Variants in OSBPL10 observed in about 807,000 individuals in gnomAD.
OSBPL10 encodes oxysterol-binding protein-related protein 10.
Under a neutral mutation model 81.7 loss-of-function variants are expected in OSBPL10, and 49 were observed. The ratio of observed to expected loss-of-function variants is 0.60; its 90% confidence interval spans 0.48 to 0.76. OSBPL10 has a LOEUF of 0.76. Ranked by LOEUF, OSBPL10 falls within the 30% of genes least tolerant of loss-of-function variation. OSBPL10 has a pLI of 0.00. For synonymous variants in OSBPL10, 419 were observed against 383.6 expected (o/e 1.09, Z -1.08); for missense variants, 923 against 987.8 (o/e 0.93, Z 0.88).
intron 2 of OSBPL10, among the ~76,000 whole-genome samples, chr3:32,026,011 C>CATAGATAG (rs10662309): frequency 0.057 from 7,323 of 127,956 alleles, 306 homozygotes; most frequent in East Asian, 0.075. Flanking sequence ...TATATACAGA[C>CATAGATAG]ATAGATAGAT....
intron 4 of OSBPL10, among the ~76,000 whole-genome samples, chr3:31,826,111 C>T (rs1700095797): frequency 6.6e-6 from 1 of 152,162 alleles, no homozygotes; most frequent in Admixed American, 6.5e-5. Context: ...GCCCCAGTTC[C>T]ATAAATTGTT....
intron 1 of OSBPL10, among the ~76,000 whole-genome samples, chr3:31,902,680 A>G (rs956157848): frequency 2.6e-5 from 4 of 152,132 alleles, no homozygotes; most frequent in Non-Finnish European, 5.9e-5. Context: ...CTCCTGCCTC[A>G]GCCTCCTGAG....
intron 1 of OSBPL10, among the ~76,000 whole-genome samples, chr3:31,912,460 G>T (rs1433565748): frequency 1.3e-5 from 2 of 151,816 alleles, no homozygotes; most frequent in African/African-American, 2.4e-5. Flanking sequence ...CATTAGTAAA[G>T]TTGAGGAAGT....
In OSBPL10 at chr3:31,826,983, G is replaced by A. The variant is rs375779959; in HGVS notation, c.729+3057C>T. On this transcript the variant is annotated intron_variant, in intron 4 of 11. Transcript: ENST00000396556. ...TCTTACTTAAATTTTGAGTAATAAAGGTTATCAATATACAAAAAGCAAGAA... is the reference window on the plus strand; with the variant it reads ...TCTTACTTAAATTTTGAGTAATAAAAGTTATCAATATACAAAAAGCAAGAA... Among the ~76,000 whole-genome samples, 9 of 152,280 alleles carry A rather than the reference G, an allele frequency of 5.9e-5. No individual in the cohort carries two copies. The East Asian group carries it at 7.7e-4, about 13-fold the overall frequency.
rs568848683 is a variant in OSBPL10 at position 31,813,640 on chromosome 3, A to ATGGGGTAGGG, written c.729+16390_729+16399dup. Among the ~76,000 whole-genome samples the ATGGGGTAGGG allele has an allele frequency of 3.6e-3, 541 of 152,228 alleles. 2 individuals carry two copies. Among genetic ancestry groups the ATGGGGTAGGG allele is most frequent in the Non-Finnish European group, 6.0e-3 (409 of 68,012 alleles). Reference sequence around the variant, plus strand: ...GTCACTATCTAGAAATGGAGGCAAAATGGGGTAGGGGAGGGGACGAGGTGC... The same window carrying ATGGGGTAGGG: ...GTCACTATCTAGAAATGGAGGCAAAATGGGGTAGGGTGGGGTAGGGGAGGGGACGAGGTGC... On this transcript the variant is annotated intron_variant, in intron 4 of 11. Transcript: ENST00000396556.
At chr3:31,730,968 G>C (rs909882377) in intron 6 of OSBPL10, among the ~76,000 whole-genome samples, 3 of 152,148 alleles carry the variant, frequency 2.0e-5, no homozygotes, top group Non-Finnish European at 2.9e-5. Flanking sequence ...TTAAGGACCT[G>C]CTCATAAGGC....
intron 8 of OSBPL10, among the ~76,000 whole-genome samples, chr3:31,677,944 G>A (rs956680346): frequency 4.6e-5 from 7 of 151,136 alleles, no homozygotes; most frequent in East Asian, 1.9e-4. Flanking sequence ...AGCCGGGCGC[G>A]GTGGCGGGCG....
At chr3:31,918,835 G>T (rs546923262) in intron 1 of OSBPL10, among the ~76,000 whole-genome samples, 1 of 152,306 alleles carries the variant, frequency 6.6e-6, no homozygotes, top group East Asian at 1.9e-4. Flanking sequence ...GAAAGCATTT[G>T]ATTTTTAAAT....
chr3:32,031,171 A>G (rs1439780468), intron 2 of OSBPL10, among the ~76,000 whole-genome samples: 2 of 152,098 alleles, frequency 1.3e-5, no homozygotes, highest in African/African-American at 2.4e-5. Flanking sequence ...CTCAAAAAAA[A>G]AAGAAAAGAA....
chr3:31,807,572 C>CAAAA (rs35786919), intron 4 of OSBPL10, among the ~76,000 whole-genome samples: 1 of 108,454 alleles, frequency 9.2e-6, no homozygotes, highest in Non-Finnish European at 2.0e-5. Context: ...CACATCTCTA[C>CAAAA]AAAAAAAAAA....
At chr3:31,867,973 C>G (rs539411761) in intron 3 of OSBPL10, among the ~76,000 whole-genome samples, 26 of 152,270 alleles carry the variant, frequency 1.7e-4, no homozygotes, top group African/African-American at 6.3e-4. Flanking sequence ...TGGCCAAAGC[C>G]TGGTCTTCCT....
intron 5 of OSBPL10, among the ~76,000 whole-genome samples, chr3:31,745,623 C>T (rs989481095): frequency 5.3e-5 from 8 of 152,282 alleles, no homozygotes; most frequent in Admixed American, 4.6e-4. Context: ...GCCGGGAAGA[C>T]GCCTGCCACA....
intron 4 of OSBPL10, among the ~76,000 whole-genome samples, chr3:31,754,282 A>C (rs1265957008): frequency 6.6e-6 from 1 of 152,154 alleles, no homozygotes; most frequent in East Asian, 1.9e-4. Flanking sequence ...AGTATCTGTT[A>C]AGCCTGTTTT....
chr3:31,675,945 CAAAAAAA>C (rs773575072), intron 8 of OSBPL10, among the ~76,000 whole-genome samples: 1 of 59,178 alleles, frequency 1.7e-5, no homozygotes, highest in South Asian at 5.8e-4. Flanking sequence ...GACTCCATCT[CAAAAAAA>C]AAAAAAAAAA....
At chr3:31,824,827 C>T (rs1335859339) in intron 4 of OSBPL10, among the ~76,000 whole-genome samples, 2 of 152,210 alleles carry the variant, frequency 1.3e-5, no homozygotes, top group Non-Finnish European at 2.9e-5. Context: ...ATCATCCCAT[C>T]TCACTCGATA....
At chr3:31,902,406 G>A (rs996766737) in intron 1 of OSBPL10, among the ~76,000 whole-genome samples, 2 of 151,828 alleles carry the variant, frequency 1.3e-5, no homozygotes, top group Admixed American at 6.6e-5. Flanking sequence ...GGGATTACAG[G>A]TGGCTGCCAC....
At chr3:32,077,523 C>T (rs979563637) in exon 1 of OSBPL10, 1 of 152,138 alleles carries the variant, frequency 6.6e-6, no homozygotes, top group Non-Finnish European at 1.5e-5. Flanking sequence ...TGGGCATGCA[C>T]ATTAAAAGAG....
chr3:31,922,357 G>A (rs1197914303), intron 1 of OSBPL10, among the ~76,000 whole-genome samples: 1 of 152,134 alleles, frequency 6.6e-6, no homozygotes. Flanking sequence ...AGTGGCTCAC[G>A]CCTGTAATCC....
At chr3:32,022,557 G>A (rs190866938) in intron 2 of OSBPL10, among the ~76,000 whole-genome samples, 2 of 152,210 alleles carry the variant, frequency 1.3e-5, no homozygotes, top group Admixed American at 6.5e-5. Flanking sequence ...AGGCTGAGGC[G>A]GATGGATTGC....
Sources: gnomAD v4.1 joint callset for allele counts (sites outside exome capture counted in the v4.1 genomes callset) on GRCh38, gnomAD v4.1.1 for gene constraint, MANE v1.5 for transcripts, NCBI Gene and HGNC (gene_info 2026-07-23, HGNC 2026-07-21) for gene names.